The following GLIS3 variants were observed in gnomAD, a reference collection of about 807,000 sequenced individuals.
GLIS3 encodes the protein GLIS family zinc finger 3.
Under a neutral mutation model 78.6 loss-of-function variants are expected in GLIS3, and 53 were observed. That is an observed-to-expected ratio of 0.67 (90% CI 0.54 to 0.85). The LOEUF is 0.85. GLIS3 is among the 40% of genes least tolerant of loss of function. The pLI is 0.00. For missense variants in GLIS3, 1,703 were observed against 1,231.1 expected, an observed-to-expected ratio of 1.38 and a Z score of -5.74; for synonymous variants, 684 against 509.9, an observed-to-expected ratio of 1.34 and a Z score of -4.60.
chr9:4,058,756 G>A (rs566013272), intron 4 of GLIS3, among the ~76,000 whole-genome samples: 102 of 152,146 alleles, frequency 6.7e-4, no homozygotes, highest in Non-Finnish European at 1.0e-3. Flanking sequence ...CAAGGCGGGC[G>A]GATCACGAGG....
intron 4 of GLIS3, among the ~76,000 whole-genome samples, chr9:4,036,974 A>G (rs1824366920): frequency 6.6e-6 from 1 of 152,176 alleles, no homozygotes; most frequent in Admixed American, 6.5e-5. Context: ...CACTGCAGCT[A>G]TGGCAGAAAG....
chr9:3,898,550 T>C, intron 7 of GLIS3, 141 bp downstream of exon 7: 1 of 885,578 alleles, frequency 1.1e-6, no homozygotes, highest in Non-Finnish European at 1.9e-6. Context: ...TCAGAAGGGG[T>C]GGAGAGCAAT....
chr9:4,099,389 C>A lies in GLIS3; in HGVS notation c.1710+18379G>T, dbSNP rs868327646. Among the ~76,000 whole-genome samples the A allele has an allele frequency of 7.9e-5, 12 of 152,268 alleles. No individual in the cohort carries two copies. The South Asian group carries it at 2.3e-3, about 29-fold the overall frequency. ...TGGCTTGCAGATGCGTCACTCCAATCCTTGCCTTCACCTTCACTTGGAGTT... is the reference window on the plus strand; with the variant it reads ...TGGCTTGCAGATGCGTCACTCCAATACTTGCCTTCACCTTCACTTGGAGTT... On this transcript the variant is annotated intron_variant, in intron 4 of 10. Coordinates refer to ENST00000381971, the MANE Select transcript of GLIS3 (RefSeq NM_001042413.2).
At chr9:3,949,861 C>A (rs976144171) in intron 4 of GLIS3, among the ~76,000 whole-genome samples, 5 of 152,162 alleles carry the variant, frequency 3.3e-5, no homozygotes, top group Non-Finnish European at 7.3e-5. Context: ...ATATAAGAAT[C>A]CAATCTGCGT....
At chr9:4,203,832 T>A (rs1178516324) in intron 2 of GLIS3, among the ~76,000 whole-genome samples, 1 of 152,194 alleles carries the variant, frequency 6.6e-6, no homozygotes, top group East Asian at 1.9e-4. Context: ...TGGAGGCCAT[T>A]ATCCTAAGTG....
At chr9:4,464,323 G>A in the GLIS3 span, among the ~76,000 whole-genome samples, 1 of 150,990 alleles carries the variant, frequency 6.6e-6, no homozygotes, top group African/African-American at 2.4e-5. Flanking sequence ...TTGACAAGCA[G>A]TATTGATTTC....
At chr9:3,991,761 G>T (rs1029661160) in intron 4 of GLIS3, among the ~76,000 whole-genome samples, 1 of 143,942 alleles carries the variant, frequency 6.9e-6, no homozygotes, top group Non-Finnish European at 1.5e-5. Flanking sequence ...TGGGATCTCG[G>T]CTCACTGCAA....
chr9:4,334,315 G>C (rs141771384), intron 2 of GLIS3, among the ~76,000 whole-genome samples: 77 of 152,290 alleles, frequency 5.1e-4, no homozygotes, highest in Middle Eastern at 3.4e-3. Flanking sequence ...AGAGATCACA[G>C]AACCTCTCAA....
rs139508419 is a variant in GLIS3 at position 4,033,585 on chromosome 9, G to C, written c.1710+84183C>G. Among the ~76,000 whole-genome samples, 267 of 152,222 alleles carry C rather than the reference G, an allele frequency of 1.8e-3. 1 individual carries two copies. The highest frequency in any genetic ancestry group is 6.2e-3 in the African/African-American group (256 of 41,536). On this transcript the variant is annotated intron_variant, in intron 4 of 10. Transcript: ENST00000381971. ...TCCTTAAAGTGTTTTCCAAATAGGA[G>C]CATGGACTTCCCCTTGGGAGCTTGC...
intron 2 of GLIS3, among the ~76,000 whole-genome samples, chr9:4,201,286 C>T (rs904107426): frequency 6.6e-6 from 1 of 152,138 alleles, no homozygotes; most frequent in Non-Finnish European, 1.5e-5. Context: ...ACAAGGATGA[C>T]CACTTTCACC....
chr9:3,838,030 G>A (rs1354916409), intron 9 of GLIS3, among the ~76,000 whole-genome samples: 1 of 152,048 alleles, frequency 6.6e-6, no homozygotes, highest in Non-Finnish European at 1.5e-5. Context: ...GGAACTCCCT[G>A]CACTTTCCAC....
chr9:4,316,366 G>C (rs1817436788), intron 2 of GLIS3, among the ~76,000 whole-genome samples: 1 of 152,192 alleles, frequency 6.6e-6, no homozygotes, highest in Non-Finnish European at 1.5e-5. Flanking sequence ...TAACTGGACT[G>C]ACTTTATTGC....
chr9:4,214,157 G>A (rs1820618739), intron 2 of GLIS3, among the ~76,000 whole-genome samples: 1 of 152,074 alleles, frequency 6.6e-6, no homozygotes. Flanking sequence ...GAAAGTTAAT[G>A]GAACAAACTT....
chr9:4,357,542 GAAT>G, the GLIS3 span, among the ~76,000 whole-genome samples: 2 of 147,448 alleles, frequency 1.4e-5, no homozygotes, highest in African/African-American at 5.1e-5. Context: ...TCAGCCTCCA[GAAT>G]AATGTGAACT....
intron 4 of GLIS3, among the ~76,000 whole-genome samples, chr9:4,012,030 T>C (rs1393595197): frequency 6.6e-6 from 1 of 152,124 alleles, no homozygotes; most frequent in Non-Finnish European, 1.5e-5. Context: ...GCAGAAAGCC[T>C]TCCCGTAAAA....
At chr9:4,471,704 T>A in the GLIS3 span, among the ~76,000 whole-genome samples, 1 of 152,164 alleles carries the variant, frequency 6.6e-6, no homozygotes, top group Non-Finnish European at 1.5e-5. Context: ...GGGCAAGGAC[T>A]TCATGACTAA....
intron 2 of GLIS3, among the ~76,000 whole-genome samples, chr9:4,264,647 C>T (rs887173969): frequency 6.6e-6 from 1 of 152,130 alleles, no homozygotes; most frequent in African/African-American, 2.4e-5. Flanking sequence ...ACTCTTCACT[C>T]AAATCAGAGA....
At chr9:4,104,788 C>A (rs563167809) in intron 4 of GLIS3, among the ~76,000 whole-genome samples, 1 of 152,308 alleles carries the variant, frequency 6.6e-6, no homozygotes, top group African/African-American at 2.4e-5. Context: ...CAGGTATCTG[C>A]ATTATTTATT....
chr9:3,850,851 C>T (rs913012967), intron 9 of GLIS3, among the ~76,000 whole-genome samples: 1 of 152,208 alleles, frequency 6.6e-6, no homozygotes, highest in Non-Finnish European at 1.5e-5. Context: ...TGCTTCCCCT[C>T]TGCCTGGAAT....
Sources: gnomAD v4.1 joint callset for allele counts (sites outside exome capture counted in the v4.1 genomes callset) on GRCh38, gnomAD v4.1.1 for gene constraint, MANE v1.5 for transcripts, NCBI Gene and HGNC (gene_info 2026-07-23, HGNC 2026-07-21) for gene names.